Variants in PCDH15 observed in about 807,000 individuals in gnomAD.
PCDH15 encodes protocadherin-15.
A neutral mutation model predicts 178.5 loss-of-function variants in PCDH15; 129 were observed. The ratio of observed to expected loss-of-function variants is 0.72; its 90% confidence interval spans 0.63 to 0.84. The LOEUF is 0.84. PCDH15 is among the 40% of genes least tolerant of loss of function. PCDH15 has a pLI of 0.00. For synonymous variants in PCDH15, 800 were observed against 732.0 expected (o/e 1.09, Z -1.50); for missense variants, 2,230 against 2,099.9 (o/e 1.06, Z -1.21).
chr10:55,484,733 C>T (rs1216507925), intron 2 of PCDH15, among the ~76,000 whole-genome samples: 1 of 151,602 alleles, frequency 6.6e-6, no homozygotes, highest in African/African-American at 2.4e-5. Flanking sequence ...TAAATTCTTG[C>T]ATTTACAGCC....
chr10:54,201,501 G>T (rs2050225385), intron 10 of PCDH15, among the ~76,000 whole-genome samples: 1 of 151,856 alleles, frequency 6.6e-6, no homozygotes, highest in Admixed American at 6.6e-5. Context: ...AACCTTTCTT[G>T]TAATTAGTCT....
intron 1 of PCDH15, among the ~76,000 whole-genome samples, chr10:54,673,006 A>G (rs927343060): frequency 6.6e-6 from 1 of 152,184 alleles, no homozygotes; most frequent in African/African-American, 2.4e-5. Flanking sequence ...TAGTATCTAC[A>G]TTCCTAATTT....
chr10:53,933,660 A>C (rs1462158925), intron 25 of PCDH15, among the ~76,000 whole-genome samples: 2 of 152,290 alleles, frequency 1.3e-5, no homozygotes, highest in African/African-American at 4.8e-5. Context: ...TTATAGCAGC[A>C]TGATTTATAA....
At chr10:55,481,550 T>A (rs765434096) in intron 2 of PCDH15, among the ~76,000 whole-genome samples, 21 of 151,886 alleles carry the variant, frequency 1.4e-4, no homozygotes, top group Non-Finnish European at 2.8e-4. Flanking sequence ...TTCTCATTAG[T>A]TTCAAAGAAA....
At chr10:55,241,305 T>G (rs1402080151) in intron 1 of PCDH15, among the ~76,000 whole-genome samples, 24 of 152,126 alleles carry the variant, frequency 1.6e-4, no homozygotes, top group Non-Finnish European at 1.5e-4. Context: ...TACTGCATGC[T>G]TATCTATCTT....
intron 2 of PCDH15, among the ~76,000 whole-genome samples, chr10:54,948,706 A>G (rs554668512): frequency 1.1e-4 from 17 of 152,042 alleles, no homozygotes; most frequent in Admixed American, 6.6e-4. Context: ...CAGGCTCCAT[A>G]ATTAAGTAAG....
intron 2 of PCDH15, among the ~76,000 whole-genome samples, chr10:54,958,974 T>C (rs1838569635): frequency 6.6e-6 from 1 of 151,910 alleles, no homozygotes; most frequent in Non-Finnish European, 1.5e-5. Context: ...GGAAATACTA[T>C]ACAAATACAA....
At chr10:54,325,134 G>A (rs1158239566) in intron 7 of PCDH15, among the ~76,000 whole-genome samples, 2 of 151,978 alleles carry the variant, frequency 1.3e-5, no homozygotes, top group East Asian at 3.9e-4. Context: ...ATATGTGACA[G>A]GGTTTTCTAA....
intron 2 of PCDH15, among the ~76,000 whole-genome samples, chr10:54,611,377 G>A (rs1032355131): frequency 5.3e-5 from 8 of 151,716 alleles, no homozygotes; most frequent in Non-Finnish European, 1.0e-4. Context: ...TCTCAATATC[G>A]TCACCTCTGA....
chr10:55,170,858 G>A (rs1839314122), intron 1 of PCDH15, among the ~76,000 whole-genome samples: 1 of 151,870 alleles, frequency 6.6e-6, no homozygotes, highest in South Asian at 2.1e-4. Context: ...CTCCAGCCTG[G>A]GCGACACAGG....
Position 55,491,227 on chromosome 10 carries a change from T to C in PCDH15, c.-156+136398A>G, listed in dbSNP as rs572484338. On this transcript the variant is annotated intron_variant, in intron 2 of 5. Transcript: ENST00000613346. The stretch of plus-strand genomic sequence containing the variant: ...GGCTCCCTTGACCCCCATCTCTCAA[T>C]CTATATCTGATTTCACCCTGGGTAG... Among the ~76,000 whole-genome samples, 9 of 151,792 alleles carry C rather than the reference T, an allele frequency of 5.9e-5. No homozygotes were observed. The South Asian group carries it at 1.0e-3, about 17-fold the overall frequency.
At chr10:54,712,420 C>G (rs1025889627) in intron 1 of PCDH15, among the ~76,000 whole-genome samples, 2 of 151,640 alleles carry the variant, frequency 1.3e-5, no homozygotes, top group Non-Finnish European at 2.9e-5. Context: ...TGAAGAAATA[C>G]TACACTGATG....
At chr10:53,822,522 G>C in intron 32 of PCDH15, 1 of 1,613,122 alleles carries the variant, frequency 6.2e-7, no homozygotes, top group Non-Finnish European at 8.5e-7. Flanking sequence ...TGGTGGATGG[G>C]CAAAATTTTC....
intron 18 of PCDH15, among the ~76,000 whole-genome samples, chr10:54,062,363 A>C (rs2094047923): frequency 6.6e-6 from 1 of 151,916 alleles, no homozygotes; most frequent in Non-Finnish European, 1.5e-5. Flanking sequence ...CAAATTCAGT[A>C]TAGTAATTAA....
intron 3 of PCDH15, among the ~76,000 whole-genome samples, chr10:54,502,847 G>C (rs2080821903): frequency 6.6e-6 from 1 of 151,956 alleles, no homozygotes; most frequent in African/African-American, 2.4e-5. Context: ...AAAATACACA[G>C]AAAATTAGCT....
chr10:55,274,856 G>C (rs994006942), intron 1 of PCDH15, among the ~76,000 whole-genome samples: 45 of 152,114 alleles, frequency 3.0e-4, no homozygotes, highest in Admixed American at 2.7e-3. Flanking sequence ...GTTCAAAATA[G>C]GGTCCCCGCT....
intron 3 of PCDH15, among the ~76,000 whole-genome samples, chr10:54,466,385 T>C (rs2077517709): frequency 6.6e-6 from 1 of 152,024 alleles, no homozygotes; most frequent in Admixed American, 6.6e-5. Context: ...CTTTTCATTC[T>C]TTCCATGTGG....
intron 2 of PCDH15, among the ~76,000 whole-genome samples, chr10:54,971,952 C>T (rs917193002): frequency 2.7e-4 from 41 of 152,154 alleles, no homozygotes; most frequent in African/African-American, 9.4e-4. Flanking sequence ...TTATACCCCA[C>T]CTTCCCCAGG....
intron 3 of PCDH15, among the ~76,000 whole-genome samples, chr10:54,517,349 T>C (rs1157230637): frequency 1.3e-5 from 2 of 151,798 alleles, no homozygotes; most frequent in Admixed American, 6.6e-5. Flanking sequence ...AGGCTCAAAA[T>C]AAAGGGATGG....
Sources: gnomAD v4.1 joint callset for allele counts (sites outside exome capture counted in the v4.1 genomes callset) on GRCh38, gnomAD v4.1.1 for gene constraint, MANE v1.5 for transcripts, NCBI Gene and HGNC (gene_info 2026-07-23, HGNC 2026-07-21) for gene names.